The following PDPK1 variants were observed in gnomAD, a reference collection of about 807,000 sequenced individuals.
PDPK1 encodes the protein 3-phosphoinositide dependent protein kinase 1, also known as 3-phosphoinositide-dependent protein kinase 1.
Under a neutral mutation model 39.8 loss-of-function variants are expected in PDPK1, and 7 were observed. The observed-to-expected ratio is 0.18, with a 90% CI of 0.10 to 0.33. PDPK1 has a LOEUF of 0.33. Among genes scored for constraint, PDPK1 ranks in the 10% least tolerant of loss-of-function variants. The pLI is 1.00. For missense variants in PDPK1, 182 were observed against 384.7 expected (o/e 0.47, Z 4.41); for synonymous variants, 118 against 159.1 (o/e 0.74, Z 1.95).
At position 2,597,876 on chromosome 16, in the gene PDPK1, G is replaced by A. The variant is rs1597079924; in HGVS notation, c.*109G>A. On this transcript the variant is annotated 3_prime_UTR_variant, in exon 14 of 14. Transcript: ENST00000342085. This position sits in a 1 kb window ranked among gnomAD's most constrained non-coding sequence, Gnocchi z 6.3. ...ACCTGCCAGCCATCACAAGGGGAAC[G>A]CAGAGGCGGAAACCTTGCAGCATTT... 8 of 676,094 alleles carry A rather than the reference G, an allele frequency of 1.2e-5. No individual in the cohort carries two copies. The East Asian group carries it at 1.9e-4, about 16-fold the overall frequency. 41.9% of individuals were successfully genotyped at this position (676,094 alleles called of 1,614,324 possible).
chr16:2,541,905 G>A (rs1323289514), intron 1 of PDPK1, among the ~76,000 whole-genome samples: 3 of 152,008 alleles, frequency 2.0e-5, no homozygotes, highest in Non-Finnish European at 2.9e-5. Flanking sequence ...AGAGTAACAA[G>A]GCATGGGTTG....
In PDPK1 at chr16:2,597,534, C is replaced by A; in HGVS notation, c.1555-117C>A. On this transcript the variant is annotated intron_variant, in intron 13 of 13. Transcript: ENST00000342085. The surrounding 1 kb of genome is among the most constrained non-coding windows in gnomAD (Gnocchi z 6.3). ...GTTGCTTACTGCTTGTGTGAATAAC[C>A]GTCACACCCACGTGCTTTCAGGACT... The A allele has an allele frequency of 1.3e-6, 1 of 791,112 alleles. No individual in the cohort carries two copies. The highest frequency in any genetic ancestry group is 2.2e-6 in the Non-Finnish European group (1 of 447,314). The allele number at this position is 791,112 out of a possible 1,614,324, so 49.0% of individuals were successfully genotyped here.
Position 2,602,619 on chromosome 16 carries a change from C to CA in PDPK1, c.*4856dup. On this transcript the variant is annotated 3_prime_UTR_variant, in exon 14 of 14. Coordinates refer to ENST00000342085, the MANE Select transcript of PDPK1 (RefSeq NM_002613.5). ...CGACTGTAAGTAAGTTGGATGTTGG[C>CA]AAAATTAAATTGTTACAGTATTTAG... The CA allele has an allele frequency of 4.3e-6, 1 of 234,756 alleles. No homozygotes were observed. Among genetic ancestry groups the CA allele is most frequent in the Admixed American group, 5.6e-5 (1 of 17,792 alleles). The allele number at this position is 234,756 out of a possible 1,614,324, so 14.5% of individuals were successfully genotyped here. A position where few individuals can be genotyped will look rare whatever the true frequency, so the allele number is the denominator to read the frequency against.
chr16:2,584,735 G>A (rs1459952350), intron 10 of PDPK1, among the ~76,000 whole-genome samples: 3 of 148,212 alleles, frequency 2.0e-5, no homozygotes, highest in Non-Finnish European at 2.9e-5. Flanking sequence ...GTTTCCCAAC[G>A]CCCCTACCTG....
At chr16:2,543,795 C>T (rs1240813372) in intron 1 of PDPK1, among the ~76,000 whole-genome samples, 1 of 152,180 alleles carries the variant, frequency 6.6e-6, no homozygotes, top group Non-Finnish European at 1.5e-5. Context: ...GATCTCGGCT[C>T]ACCGCAACCT....
intron 10 of PDPK1, among the ~76,000 whole-genome samples, chr16:2,586,445 C>T (rs2066876714): frequency 6.6e-6 from 1 of 152,272 alleles, no homozygotes; most frequent in Non-Finnish European, 1.5e-5. Context: ...TCGCCCCTCT[C>T]TGGCCCTGAT....
chr16:2,556,367 T>TTA (rs1357532553), intron 1 of PDPK1, among the ~76,000 whole-genome samples: 1 of 144,588 alleles, frequency 6.9e-6, no homozygotes, highest in Non-Finnish European at 1.5e-5. Context: ...ATTTTTTTTT[T>TTA]TTTTTTTTTT....
chr16:2,602,594 C>G lies in PDPK1; in HGVS notation c.*4827C>G, dbSNP rs545414930. 1 of 234,278 alleles carries G rather than the reference C, an allele frequency of 4.3e-6. No individual in the cohort carries two copies. The highest frequency in any genetic ancestry group is 2.2e-5 in the African/African-American group (1 of 44,944). The allele number at this position is 234,278 out of a possible 1,614,324, so 14.5% of individuals were successfully genotyped here. On this transcript the variant is annotated 3_prime_UTR_variant, in exon 14 of 14. Transcript: ENST00000342085. ...ATTGTGCTGGTAAAAGCCTCTATTA[C>G]GACTGTAAGTAAGTTGGATGTTGGC...
rs543128805 is a variant in PDPK1, at chr16:2,598,138, C to T, written c.*371C>T. 7.2e-6 allele frequency: 2 copies of T among 278,232 alleles called. No homozygotes were observed. Among genetic ancestry groups the T allele is most frequent in the Non-Finnish European group, 1.4e-5 (2 of 146,676 alleles). The allele number at this position is 278,232 out of a possible 1,614,324, so 17.2% of individuals were successfully genotyped here. A position where few individuals can be genotyped will look rare whatever the true frequency, so the allele number is the denominator to read the frequency against. Reference sequence around the variant, plus strand: ...CATCAGTCCGAACCATGCGCCCGCCCTGCCCCAACTGTGTGCTGGTCCTGC... The same window carrying T: ...CATCAGTCCGAACCATGCGCCCGCCTTGCCCCAACTGTGTGCTGGTCCTGC... On this transcript the variant is annotated 3_prime_UTR_variant, in exon 14 of 14. Transcript: ENST00000342085.
At chr16:2,546,345 G>A (rs1888797039) in intron 1 of PDPK1, among the ~76,000 whole-genome samples, 2 of 143,848 alleles carry the variant, frequency 1.4e-5, no homozygotes. Context: ...GCCTCCCAAA[G>A]TGCTTTGAGA....
chr16:2,598,887 TTC>T lies in PDPK1; in HGVS notation c.*1122_*1123del. The T allele has an allele frequency of 4.3e-6, 1 of 233,316 alleles. No homozygotes were observed. The highest frequency in any genetic ancestry group is 8.5e-6 in the Non-Finnish European group (1 of 118,064). The allele number at this position is 233,316 out of a possible 1,614,324, so 14.5% of individuals were successfully genotyped here. Reference sequence around the variant, plus strand: ...CAAGTTTCTCAGAGCCCCTCAGAGCTTCTACATCTGTGCATCAGAAATCTCAC... The same window carrying T: ...CAAGTTTCTCAGAGCCCCTCAGAGCTTACATCTGTGCATCAGAAATCTCAC... On this transcript the variant is annotated 3_prime_UTR_variant, in exon 14 of 14. Coordinates refer to ENST00000342085, the MANE Select transcript of PDPK1 (RefSeq NM_002613.5).
intron 10 of PDPK1, among the ~76,000 whole-genome samples, chr16:2,586,437 G>A (rs1189303237): frequency 6.6e-6 from 1 of 152,256 alleles, no homozygotes. Context: ...CTGAGGCTTC[G>A]CCCCTCTCTG....
chr16:2,545,338 T>A (rs1291199557), intron 1 of PDPK1, among the ~76,000 whole-genome samples: 2 of 141,902 alleles, frequency 1.4e-5, no homozygotes, highest in African/African-American at 5.6e-5. Context: ...TTCTCTCTCT[T>A]TTTTTTTTTT....
rs1262631074 is a variant in PDPK1 at position 2,538,065 on chromosome 16, C to G, written c.-48C>G. 7.1e-5 allele frequency: 68 copies of G among 962,530 alleles called. No homozygotes were observed. In the South Asian group the frequency reaches 1.4e-3, roughly 19 times the overall value. 59.6% of individuals were successfully genotyped at this position (962,530 alleles called of 1,614,324 possible). On this transcript the variant is annotated 5_prime_UTR_variant, in exon 1 of 14. Coordinates refer to ENST00000342085, the MANE Select transcript of PDPK1 (RefSeq NM_002613.5). ...GGGGAGGAGGACGCTGAGGAGGCGC[C>G]GAGCCGCGCAGCGCTGCGGGGGAGG... is the stretch of plus-strand genomic sequence containing the variant.
intron 11 of PDPK1, among the ~76,000 whole-genome samples, chr16:2,589,531 T>C (rs1164120652): frequency 6.6e-6 from 1 of 151,780 alleles, no homozygotes; most frequent in Non-Finnish European, 1.5e-5. Flanking sequence ...CTACAAAAAA[T>C]ACAAAAATCA....
chr16:2,597,926 A>G lies in PDPK1; in HGVS notation c.*159A>G, dbSNP rs901515017. Reference sequence around the variant, plus strand: ...TTTATTTAAAAGAAAAGAAGAAAAAAAACACCCAACCACACAAAGAACAAA... The same window carrying G: ...TTTATTTAAAAGAAAAGAAGAAAAAGAACACCCAACCACACAAAGAACAAA... On this transcript the variant is annotated 3_prime_UTR_variant, in exon 14 of 14. Transcript: ENST00000342085. The surrounding 1 kb of genome is among the most constrained non-coding windows in gnomAD (Gnocchi z 6.3). 1.0e-5 allele frequency: 6 copies of G among 593,558 alleles called. No homozygotes were observed. Among genetic ancestry groups the G allele is most frequent in the Non-Finnish European group, 1.2e-5 (4 of 334,568 alleles). 36.8% of individuals were successfully genotyped at this position (593,558 alleles called of 1,614,324 possible).
chr16:2,584,686 C>G (rs950036548), intron 10 of PDPK1, among the ~76,000 whole-genome samples: 2 of 151,126 alleles, frequency 1.3e-5, no homozygotes, highest in African/African-American at 4.9e-5. Flanking sequence ...TAGATTTTAT[C>G]TAAAAGTCAT....
At chr16:2,559,619 C>T (rs1371862385) in intron 2 of PDPK1, among the ~76,000 whole-genome samples, 6 of 149,242 alleles carry the variant, frequency 4.0e-5, no homozygotes, top group South Asian at 2.1e-4. Context: ...TGGAGTGCAG[C>T]GGTGTGATCA....
Position 2,584,530 on chromosome 16 carries a change from G to A in PDPK1, c.1125+945G>A, listed in dbSNP as rs1324334998. Among the ~76,000 whole-genome samples the A allele has an allele frequency of 6.7e-5, 10 of 149,180 alleles. No individual in the cohort carries two copies. The East Asian group carries it at 1.8e-3, about 27-fold the overall frequency. On this transcript the variant is annotated intron_variant, in intron 10 of 13. Coordinates refer to ENST00000342085, the MANE Select transcript of PDPK1 (RefSeq NM_002613.5). ...CTGCAGGTGTGCACCACCATGCCCG[G>A]CTAATTTTTGTATTTTTAGTAGAGA...
Sources: allele counts gnomAD v4.1 joint callset (sites outside exome capture counted in the v4.1 genomes callset), GRCh38; gene constraint gnomAD v4.1.1; non-coding constraint Gnocchi (gnomAD v3.1); transcripts MANE v1.5; gene names NCBI Gene and HGNC (gene_info 2026-07-23, HGNC 2026-07-21).